The following DPP6 variants were observed in gnomAD, a reference collection of about 807,000 sequenced individuals.
DPP6 encodes dipeptidyl peptidase like 6.
In DPP6, 69 loss-of-function variants were observed where a neutral mutation model predicts 122.6. That is an observed-to-expected ratio of 0.56 (90% confidence interval 0.46 to 0.69). DPP6 has a LOEUF of 0.69. Among genes scored for constraint, DPP6 ranks in the 30% least tolerant of loss-of-function variants. DPP6 has a pLI of 0.00. For missense variants in DPP6, 928 were observed against 1,116.9 expected (o/e 0.83, Z 2.41); for synonymous variants, 418 against 433.1 (o/e 0.97, Z 0.43).
At chr7:154,617,880 G>A (rs187430949) in intron 5 of DPP6, among the ~76,000 whole-genome samples, 6 of 152,268 alleles carry the variant, frequency 3.9e-5, no homozygotes, top group South Asian at 2.1e-4. Context: ...CCAGGTCATC[G>A]GGAGGCGTCG....
intron 22 of DPP6, among the ~76,000 whole-genome samples, chr7:154,887,356 AAGG>A (rs1806233153): frequency 6.6e-6 from 1 of 152,182 alleles, no homozygotes; most frequent in Admixed American, 6.5e-5. Flanking sequence ...CTAAGTGTTG[AAGG>A]AGGAGGTTAT....
intron 16 of DPP6, among the ~76,000 whole-genome samples, chr7:154,830,749 C>T (rs1253187215): frequency 1.3e-5 from 2 of 152,192 alleles, no homozygotes; most frequent in East Asian, 1.9e-4. Flanking sequence ...ATCTATACGT[C>T]CACATTTGAA....
chr7:154,628,056 C>G (rs1835193945), intron 5 of DPP6, among the ~76,000 whole-genome samples: 1 of 152,168 alleles, frequency 6.6e-6, no homozygotes, highest in Non-Finnish European at 1.5e-5. Flanking sequence ...TCAGCACCTG[C>G]TTGCCTGGGA....
intron 1 of DPP6, among the ~76,000 whole-genome samples, chr7:154,431,691 C>T (rs536826499): frequency 1.8e-4 from 28 of 151,832 alleles, no homozygotes; most frequent in Admixed American, 8.5e-4. Flanking sequence ...CATGCCACCA[C>T]GCCTGGCTAA....
At chr7:154,811,789 C>G (rs917589771) in intron 16 of DPP6, among the ~76,000 whole-genome samples, 4 of 152,108 alleles carry the variant, frequency 2.6e-5, no homozygotes, top group African/African-American at 4.8e-5. Context: ...TCCTTCACAC[C>G]CCAAGTTATT....
intron 1 of DPP6, among the ~76,000 whole-genome samples, chr7:154,367,149 G>A (rs986147724): frequency 1.1e-4 from 16 of 152,144 alleles, no homozygotes; most frequent in African/African-American, 3.9e-4. Context: ...ATAATGGGGC[G>A]CATTAGCAGC....
intron 7 of DPP6, among the ~76,000 whole-genome samples, chr7:154,719,865 A>G (rs112850330): frequency 2.0e-5 from 3 of 152,142 alleles, no homozygotes; most frequent in Non-Finnish European, 4.4e-5. Flanking sequence ...GCTTGAGTGG[A>G]CATTGCTTCA....
rs551438318 is a variant in DPP6, at chr7:154,390,741, C to T, written c.244-55473C>T. 2.1e-3 allele frequency among the ~76,000 whole-genome samples: 318 copies of T among 152,144 alleles called. 13 individuals carry two copies. The South Asian group carries it at 0.06, about 29-fold the overall frequency. On this transcript the variant is annotated intron_variant, in intron 1 of 25. Transcript: ENST00000377770. ...CGCCGCCGTCTTCTCTGGCACTGCC[C>T]CTGTGTTTTCCGTTCAGAGAAAAGC...
intron 1 of DPP6, among the ~76,000 whole-genome samples, chr7:153,933,233 A>G (rs1263966246): frequency 5.9e-5 from 9 of 152,006 alleles, no homozygotes; most frequent in African/African-American, 2.4e-5. Context: ...TTTTTGACCA[A>G]TGATCTCTAA....
intron 3 of DPP6, among the ~76,000 whole-genome samples, chr7:154,511,766 T>C (rs1320821811): frequency 6.6e-6 from 1 of 151,220 alleles, no homozygotes; most frequent in Non-Finnish European, 1.5e-5. Flanking sequence ...AACTTATTTC[T>C]AGAGAATCAA....
At chr7:154,810,704 ATGAC>A (rs1342690219) in intron 16 of DPP6, among the ~76,000 whole-genome samples, 1 of 151,770 alleles carries the variant, frequency 6.6e-6, no homozygotes, top group Middle Eastern at 3.4e-3. Context: ...TCACACACAC[ATGAC>A]TGACCCGGAC....
chr7:154,011,976 A>ATG (rs1798173376), intron 1 of DPP6, among the ~76,000 whole-genome samples: 1 of 152,234 alleles, frequency 6.6e-6, no homozygotes, highest in Admixed American at 6.5e-5. Flanking sequence ...ATGATAGAAC[A>ATG]ATAACAATGT....
chr7:154,008,254 C>T lies in DPP6; in HGVS notation c.51+120520C>T, dbSNP rs576756269. Among the ~76,000 whole-genome samples, 318 of 152,256 alleles carry T rather than the reference C, an allele frequency of 2.1e-3. 2 individuals carry two copies. The highest frequency in any genetic ancestry group is 7.2e-3 in the African/African-American group (299 of 41,536). On this transcript the variant is annotated intron_variant, in intron 1 of 25. Transcript: ENST00000404039. ...TGAGAAACAAGAGAGCCAGAGAACC[C>T]GTGGGCAGCTCTCAGCTCTGGCGCC...
chr7:153,977,395 A>C (rs1366373554), intron 1 of DPP6, among the ~76,000 whole-genome samples: 1 of 152,190 alleles, frequency 6.6e-6, no homozygotes, highest in Non-Finnish European at 1.5e-5. Context: ...CTTTGCCACA[A>C]TCAGTACTGG....
chr7:154,471,565 C>G (rs921924427), intron 2 of DPP6, among the ~76,000 whole-genome samples: 1 of 152,072 alleles, frequency 6.6e-6, no homozygotes, highest in African/African-American at 2.4e-5. Flanking sequence ...TAAATGACCA[C>G]CAAGACTTAG....
At chr7:154,659,870 A>G (rs59466513) in intron 6 of DPP6, among the ~76,000 whole-genome samples, 19,467 of 152,292 alleles carry the variant, frequency 0.13, 1,319 homozygotes, top group African/African-American at 0.18. Flanking sequence ...GGACTATGGT[A>G]GAGTTTATAA....
intron 7 of DPP6, among the ~76,000 whole-genome samples, chr7:154,693,619 A>T (rs1178657554): frequency 1.3e-5 from 2 of 152,078 alleles, no homozygotes; most frequent in Non-Finnish European, 2.9e-5. Flanking sequence ...CTTCTTCTGA[A>T]CCCGCGGAGC....
At chr7:154,591,308 G>A (rs1234198824) in intron 5 of DPP6, among the ~76,000 whole-genome samples, 2 of 152,162 alleles carry the variant, frequency 1.3e-5, no homozygotes, top group Non-Finnish European at 2.9e-5. Context: ...GATTTAAGAC[G>A]GAGTCAAATC....
At chr7:154,788,021 A>T (rs1797444522) in intron 10 of DPP6, among the ~76,000 whole-genome samples, 1 of 152,204 alleles carries the variant, frequency 6.6e-6, no homozygotes, top group African/African-American at 2.4e-5. Context: ...TTTATCATCA[A>T]ATTGATAGTA....
Sources: allele counts gnomAD v4.1 joint callset (sites outside exome capture counted in the v4.1 genomes callset), GRCh38; gene constraint gnomAD v4.1.1; transcripts MANE v1.5; gene names NCBI Gene and HGNC (gene_info 2026-07-23, HGNC 2026-07-21).